PCDHA1: variants seen among roughly 807,000 people sequenced by gnomAD.
The protein encoded by PCDHA1 is protocadherin alpha 1, also known as protocadherin alpha-1.
A neutral mutation model predicts 61.3 loss-of-function variants in PCDHA1; 42 were observed. The observed-to-expected ratio is 0.69, with a 90% CI of 0.54 to 0.89. PCDHA1 has a LOEUF of 0.89. Ranked by LOEUF, PCDHA1 falls within the 40% of genes least tolerant of loss-of-function variation. The pLI, the probability that PCDHA1 is intolerant of heterozygous loss-of-function variation, is 0.00. For synonymous variants in PCDHA1, 610 were observed against 553.8 expected (o/e 1.10, Z -1.43); for missense variants, 1,256 against 1,235.3 (o/e 1.02, Z -0.25).
intron 1 of PCDHA1, chr5:140,794,892 TAACA>T (rs1283587195): frequency 4.2e-5 from 61 of 1,469,340 alleles, no homozygotes; most frequent in Non-Finnish European, 5.4e-5. Context: ...AGCAGGACTT[TAACA>T]GAGACTAGAA....
chr5:140,877,668 C>A (rs782433528), intron 1 of PCDHA1: 58 of 1,613,452 alleles, frequency 3.6e-5, no homozygotes, highest in Admixed American at 5.0e-5. Flanking sequence ...TGAGCCGGTG[C>A]GCGCCGGGCA....
intron 1 of PCDHA1, among the ~76,000 whole-genome samples, chr5:140,963,141 A>T (rs2095739692): frequency 6.6e-6 from 1 of 152,148 alleles, no homozygotes; most frequent in Non-Finnish European, 1.5e-5. Flanking sequence ...AATTATTTGG[A>T]TGAATTTAAA....
intron 1 of PCDHA1, chr5:140,828,078 C>T (rs1554130999): frequency 5.7e-6 from 9 of 1,577,554 alleles, no homozygotes; most frequent in South Asian, 4.7e-5. Flanking sequence ...GAAATAAAAC[C>T]AGAGGTATTT....
At chr5:140,946,342 A>G (rs2093932164) in intron 1 of PCDHA1, among the ~76,000 whole-genome samples, 1 of 151,846 alleles carries the variant, frequency 6.6e-6, no homozygotes, top group African/African-American at 2.4e-5. Context: ...CAAGTGATGG[A>G]GAGGATGTGG....
At chr5:140,807,332 G>A (rs782649273) in intron 1 of PCDHA1, 3 of 1,613,598 alleles carry the variant, frequency 1.9e-6, no homozygotes, top group Admixed American at 3.3e-5. Context: ...GGGCCGCATC[G>A]CGCAGGACCT....
chr5:140,810,945 T>C (rs1375280990), intron 1 of PCDHA1: 3 of 152,180 alleles, frequency 2.0e-5, no homozygotes, highest in Non-Finnish European at 4.4e-5. Context: ...CTACAATCCA[T>C]TTGGAATATA....
intron 1 of PCDHA1, chr5:140,801,615 CTGTT>C: frequency 1.2e-6 from 2 of 1,614,108 alleles, no homozygotes; most frequent in Non-Finnish European, 1.7e-6. Flanking sequence ...TGTAAAGAAT[CTGTT>C]TATTTCCGAA....
At chr5:140,923,950 C>T (rs544576500) in intron 1 of PCDHA1, among the ~76,000 whole-genome samples, 3 of 152,266 alleles carry the variant, frequency 2.0e-5, no homozygotes, top group Admixed American at 6.5e-5. Flanking sequence ...TTTTTCCTCA[C>T]GCCCTAATCT....
Position 140,814,117 on chromosome 5 carries a change from A to T in PCDHA1, c.2394+25433A>T, listed in dbSNP as rs1314520811. On this transcript the variant is annotated intron_variant, in intron 1 of 3. Transcript: ENST00000504120. ...TAATAACGCTTAGCTTAAAACACAA[A>T]CACATTGTACAGCTGTACAAAAATA... 17 of 153,636 alleles carry T rather than the reference A, an allele frequency of 1.1e-4. No homozygotes were observed. In the Admixed American group the frequency reaches 1.1e-3, roughly 10 times the overall value. 9.5% of individuals were successfully genotyped at this position (153,636 alleles called of 1,614,324 possible).
At chr5:140,943,688 G>A (rs2093547294) in intron 1 of PCDHA1, among the ~76,000 whole-genome samples, 1 of 152,170 alleles carries the variant, frequency 6.6e-6, no homozygotes. Context: ...AAGGGATAAG[G>A]TCAAAATATT....
chr5:140,908,268 A>G (rs1401852970), intron 1 of PCDHA1, among the ~76,000 whole-genome samples: 4 of 152,284 alleles, frequency 2.6e-5, no homozygotes, highest in African/African-American at 9.6e-5. Context: ...GGAACTCCCC[A>G]TGAGGCCATT....
chr5:140,816,591 G>A (rs1765953381), intron 1 of PCDHA1: 1 of 151,370 alleles, frequency 6.6e-6, no homozygotes, highest in Non-Finnish European at 1.5e-5. Context: ...TTATTACTTT[G>A]TGTTGATATC....
Position 140,843,523 on chromosome 5 carries a change from G to A in PCDHA1, c.2394+54839G>A, listed in dbSNP as rs200202372. ...TGCCCACTGAGGGCGGGTGCCGGGCGGGCAAGCCCACTCTGGTGTGCTCCA... is the reference window on the plus strand; with the variant it reads ...TGCCCACTGAGGGCGGGTGCCGGGCAGGCAAGCCCACTCTGGTGTGCTCCA... On this transcript the variant is annotated intron_variant, in intron 1 of 3. Coordinates refer to ENST00000504120, the MANE Select transcript of PCDHA1 (RefSeq NM_018900.4). 1.7e-4 allele frequency: 278 copies of A among 1,595,788 alleles called. 33 individuals carry two copies. The highest frequency in any genetic ancestry group is 2.3e-4 in the Non-Finnish European group (265 of 1,165,554).
At position 140,858,138 on chromosome 5, in the gene PCDHA1, A is replaced by T. The variant is rs577433161; in HGVS notation, c.2394+69454A>T. On this transcript the variant is annotated intron_variant, in intron 1 of 3. Coordinates refer to ENST00000504120, the MANE Select transcript of PCDHA1 (RefSeq NM_018900.4). ...GTGGCCCTGGTGGATGTCAACGTGT[A>T]CCTGATCATCGCCATCTGCGCGGTG... 43 of 1,597,514 alleles carry T rather than the reference A, an allele frequency of 2.7e-5. 1 individual carries two copies. The African/African-American group carries it at 5.5e-4, about 20-fold the overall frequency.
At chr5:140,914,583 A>C (rs1583912822) in intron 1 of PCDHA1, among the ~76,000 whole-genome samples, 1 of 151,992 alleles carries the variant, frequency 6.6e-6, no homozygotes, top group East Asian at 1.9e-4. Flanking sequence ...CAATAATTTC[A>C]TTTAAGTAGG....
At chr5:140,802,775 G>C in intron 1 of PCDHA1, 2 of 1,613,154 alleles carry the variant, frequency 1.2e-6, no homozygotes, top group Non-Finnish European at 1.7e-6. Context: ...TGGACCACGA[G>C]GAGCTAGAGC....
chr5:140,995,883 A>C (rs892876266), intron 3 of PCDHA1, among the ~76,000 whole-genome samples: 2 of 152,232 alleles, frequency 1.3e-5, no homozygotes, highest in Admixed American at 6.5e-5. Flanking sequence ...CCTGTGCTTC[A>C]GATTTATCAA....
intron 3 of PCDHA1, among the ~76,000 whole-genome samples, chr5:141,007,395 C>CAAAAAAAA (rs35800918): frequency 4.0e-3 from 379 of 94,450 alleles, no homozygotes; most frequent in Non-Finnish European, 5.7e-3. Context: ...TACTAAAATA[C>CAAAAAAAA]AAAAAAAAAA....
intron 1 of PCDHA1, among the ~76,000 whole-genome samples, chr5:140,906,125 T>G (rs1168148239): frequency 6.6e-6 from 1 of 152,028 alleles, no homozygotes; most frequent in Non-Finnish European, 1.5e-5. Flanking sequence ...GACACAAATG[T>G]TAGTCTCCTT....
Sources: gnomAD v4.1 joint callset for allele counts (sites outside exome capture counted in the v4.1 genomes callset) on GRCh38, gnomAD v4.1.1 for gene constraint, MANE v1.5 for transcripts, NCBI Gene and HGNC (gene_info 2026-07-23, HGNC 2026-07-21) for gene names.